MYO1E: variants seen among roughly 807,000 people sequenced by gnomAD.
MYO1E encodes the protein myosin IE.
In MYO1E, 68 loss-of-function variants were observed where a neutral mutation model predicts 151.1. The observed-to-expected ratio is 0.45, with a 90% CI of 0.37 to 0.55. MYO1E has a LOEUF of 0.55. Ranked by LOEUF, MYO1E falls within the 20% of genes least tolerant of loss-of-function variation. The probability of loss-of-function intolerance (pLI) is 0.00; values close to 1 mark genes in which losing one functional copy is unlikely to be tolerated. For missense variants in MYO1E, 1,363 were observed against 1,389.3 expected (o/e 0.98, Z 0.30); for synonymous variants, 601 against 501.7 (o/e 1.20, Z -2.64).
intron 22 of MYO1E, among the ~76,000 whole-genome samples, chr15:59,167,951 T>C (rs1055840149): frequency 6.6e-6 from 1 of 152,082 alleles, no homozygotes; most frequent in African/African-American, 2.4e-5. Context: ...AGTGCTGGGA[T>C]TACAGGTGTG....
At chr15:59,260,288 A>G (rs560730420) in intron 3 of MYO1E, among the ~76,000 whole-genome samples, 15 of 152,312 alleles carry the variant, frequency 9.8e-5, no homozygotes, top group African/African-American at 3.6e-4. Flanking sequence ...CTCTGCTGAC[A>G]GTGTTTCCCT....
At chr15:59,213,960 C>G (rs2079897751) in intron 12 of MYO1E, among the ~76,000 whole-genome samples, 1 of 152,174 alleles carries the variant, frequency 6.6e-6, no homozygotes, top group Non-Finnish European at 1.5e-5. Context: ...CCCACGTGCT[C>G]AATGAGTCAG....
chr15:59,216,666 G>GTGTGTGTGTGTGTGTGTGTGTGTGTGTA (rs777094542), intron 10 of MYO1E, among the ~76,000 whole-genome samples: 1 of 30,880 alleles, frequency 3.2e-5, no homozygotes, highest in Non-Finnish European at 7.0e-5. Flanking sequence ...GTGTGTATGT[G>GTGTGTGTGTGTGTGTGTGTGTGTGTGTA]TATATATATA....
chr15:59,359,342 A>G (rs2080873050), intron 1 of MYO1E, among the ~76,000 whole-genome samples: 1 of 146,626 alleles, frequency 6.8e-6, no homozygotes, highest in African/African-American at 2.5e-5. Context: ...TTTTTTAATT[A>G]GCTAGGCATG....
In MYO1E at chr15:59,198,022, C is replaced by A. The variant is rs74478436; in HGVS notation, c.1699-2455G>T. 5.3e-5 allele frequency among the ~76,000 whole-genome samples: 8 copies of A among 152,210 alleles called. No homozygotes were observed. The East Asian group carries it at 1.5e-3, about 29-fold the overall frequency. Reference sequence around the variant, plus strand: ...GACTGGAAGCACATGCCACCACACCCAGCTAATTTTTGAAAAAAAATTTTT... The same window carrying A: ...GACTGGAAGCACATGCCACCACACCAAGCTAATTTTTGAAAAAAAATTTTT... On this transcript the variant is annotated intron_variant, in intron 16 of 27. Transcript: ENST00000288235.
chr15:59,293,648 G>A (rs1167285383), intron 1 of MYO1E, among the ~76,000 whole-genome samples: 1 of 152,158 alleles, frequency 6.6e-6, no homozygotes, highest in African/African-American at 2.4e-5. Flanking sequence ...CCTAACATAT[G>A]TACAGTGTTG....
At chr15:59,330,277 C>A (rs1305971202) in intron 1 of MYO1E, among the ~76,000 whole-genome samples, 2 of 152,114 alleles carry the variant, frequency 1.3e-5, no homozygotes, top group African/African-American at 4.8e-5. Context: ...AAGGCATTCT[C>A]AAGGTACCTA....
At chr15:59,244,520 G>C (rs1401445225) in intron 4 of MYO1E, among the ~76,000 whole-genome samples, 1 of 152,186 alleles carries the variant, frequency 6.6e-6, no homozygotes, top group Non-Finnish European at 1.5e-5. Flanking sequence ...AGAGAGAATA[G>C]AGTCTACCCT....
intron 4 of MYO1E, among the ~76,000 whole-genome samples, chr15:59,239,224 ATTTTT>A (rs61185450): frequency 2.1e-5 from 3 of 141,294 alleles, no homozygotes; most frequent in African/African-American, 8.1e-5. Flanking sequence ...ATATATATAT[ATTTTT>A]TTTATTTTTT....
chr15:59,297,607 G>T (rs4609783), intron 1 of MYO1E, among the ~76,000 whole-genome samples: 15,134 of 151,646 alleles, frequency 0.1, 1,056 homozygotes, highest in East Asian at 0.36. Flanking sequence ...TTGAGACAGG[G>T]TCGTGCTCTT....
At chr15:59,168,370 A>G (rs1350554232) in intron 22 of MYO1E, among the ~76,000 whole-genome samples, 2 of 151,976 alleles carry the variant, frequency 1.3e-5, no homozygotes, top group Non-Finnish European at 2.9e-5. Context: ...ACATGGGGAA[A>G]CCGTGTCTCT....
intron 5 of MYO1E, among the ~76,000 whole-genome samples, chr15:59,234,231 T>TGGAG (rs1476140219): frequency 1.0e-5 from 1 of 100,138 alleles, no homozygotes; most frequent in East Asian, 2.3e-4. Context: ...GATGGATGGA[T>TGGAG]GGATGGATGG....
intron 8 of MYO1E, 122 bp downstream of exon 8, chr15:59,224,556 TACAGAGTGCTC>T (rs2079976870): frequency 8.3e-7 from 1 of 1,210,108 alleles, no homozygotes; most frequent in Admixed American, 1.8e-5. Context: ...TGTATGAGCA[TACAGAGTGCTC>T]ACAGAGAAAG....
chr15:59,349,506 T>G (rs1039706032), intron 1 of MYO1E, among the ~76,000 whole-genome samples: 2 of 152,006 alleles, frequency 1.3e-5, no homozygotes, highest in South Asian at 4.1e-4. Flanking sequence ...TTCTTTAAAT[T>G]ACCCAGCGAG....
At chr15:59,347,463 T>A (rs547348699) in intron 1 of MYO1E, among the ~76,000 whole-genome samples, 2 of 152,198 alleles carry the variant, frequency 1.3e-5, no homozygotes, top group African/African-American at 4.8e-5. Flanking sequence ...GATTTTCTTA[T>A]GGAACTTTGA....
At chr15:59,361,910 T>C (rs2080887594) in intron 1 of MYO1E, among the ~76,000 whole-genome samples, 2 of 152,076 alleles carry the variant, frequency 1.3e-5, no homozygotes, top group Admixed American at 1.3e-4. Context: ...GATCTCAGCT[T>C]ACTGCAACCT....
intron 1 of MYO1E, among the ~76,000 whole-genome samples, chr15:59,281,276 C>A: frequency 6.7e-6 from 1 of 148,592 alleles, no homozygotes; most frequent in South Asian, 2.1e-4. Context: ...TTTTTCTTTT[C>A]TTTCTTTTTT....
chr15:59,227,275 C>T (rs2079997835), intron 7 of MYO1E, among the ~76,000 whole-genome samples, 184 bp downstream of exon 7: 1 of 152,252 alleles, frequency 6.6e-6, no homozygotes, highest in South Asian at 2.1e-4. Flanking sequence ...TGTCTTATCA[C>T]TCCAATTAGA....
At chr15:59,183,564 T>A (rs542086941) in intron 18 of MYO1E, among the ~76,000 whole-genome samples, 1 of 152,262 alleles carries the variant, frequency 6.6e-6, no homozygotes, top group African/African-American at 2.4e-5. Flanking sequence ...GCATGAGATT[T>A]TTTTTCTTTT....
Sources: gnomAD v4.1 joint callset for allele counts (sites outside exome capture counted in the v4.1 genomes callset) on GRCh38, gnomAD v4.1.1 for gene constraint, MANE v1.5 for transcripts, NCBI Gene and HGNC (gene_info 2026-07-23, HGNC 2026-07-21) for gene names.